Variants in TFDP2 observed in about 807,000 individuals in gnomAD.
TFDP2 encodes the protein transcription factor Dp-2 (E2F dimerization partner 2).
Under a neutral mutation model 59.3 loss-of-function variants are expected in TFDP2, and 17 were observed. The observed-to-expected ratio is 0.29, with a 90% CI of 0.20 to 0.43. The LOEUF is 0.43. TFDP2 is among the 20% of genes least tolerant of loss of function. The pLI, the probability that TFDP2 is intolerant of heterozygous loss-of-function variation, is 1.00. For synonymous variants in TFDP2, 180 were observed against 194.7 expected, an observed-to-expected ratio of 0.92 and a Z score of 0.63; for missense variants, 391 against 528.8, an observed-to-expected ratio of 0.74 and a Z score of 2.56.
At chr3:142,040,321 A>G (rs1272540950) in intron 3 of TFDP2, among the ~76,000 whole-genome samples, 1 of 152,246 alleles carries the variant, frequency 6.6e-6, no homozygotes, top group Non-Finnish European at 1.5e-5. Flanking sequence ...TGGTAGGCGC[A>G]GTGGCTTCTG....
At chr3:142,057,742 T>C (rs1159712200) in intron 3 of TFDP2, among the ~76,000 whole-genome samples, 1 of 152,184 alleles carries the variant, frequency 6.6e-6, no homozygotes, top group East Asian at 1.9e-4. Context: ...TAATACAGAA[T>C]GAGTTGAGAG....
intron 3 of TFDP2, among the ~76,000 whole-genome samples, chr3:142,052,750 A>C (rs1947700684): frequency 6.6e-6 from 1 of 151,984 alleles, no homozygotes; most frequent in Non-Finnish European, 1.5e-5. Flanking sequence ...ACCCCTCCCA[A>C]GGGTAGTTCC....
intron 10 of TFDP2, among the ~76,000 whole-genome samples, chr3:141,962,222 G>A (rs1937453855): frequency 6.6e-6 from 1 of 152,026 alleles, no homozygotes; most frequent in Non-Finnish European, 1.5e-5. Flanking sequence ...GGGATTACAG[G>A]CATGAGCCAA....
intron 3 of TFDP2, among the ~76,000 whole-genome samples, chr3:142,013,768 CAT>C (rs149371697): frequency 0.07 from 10,562 of 150,782 alleles, 461 homozygotes; most frequent in Non-Finnish European, 0.11. Context: ...CTAGACACCA[CAT>C]ATTTTTTTTT....
chr3:142,113,255 T>C (rs1284669859), intron 1 of TFDP2, among the ~76,000 whole-genome samples: 1 of 152,070 alleles, frequency 6.6e-6, no homozygotes, highest in Non-Finnish European at 1.5e-5. Context: ...CATTTATTTT[T>C]TATTTATTTA....
chr3:142,039,546 T>G (rs1350382700), intron 3 of TFDP2, among the ~76,000 whole-genome samples: 1 of 152,108 alleles, frequency 6.6e-6, no homozygotes, highest in Admixed American at 6.5e-5. Context: ...GAAGCAAACA[T>G]CTTGTTTCTG....
At chr3:141,996,596 C>T (rs1213083289) in intron 4 of TFDP2, among the ~76,000 whole-genome samples, 1 of 152,334 alleles carries the variant, frequency 6.6e-6, no homozygotes, top group East Asian at 1.9e-4. Context: ...AAGTTCATTG[C>T]TAACTTGCTC....
Position 141,962,267 on chromosome 3 carries a change from T to A in TFDP2, c.884+1545A>T, listed in dbSNP as rs1266499146. Among the ~76,000 whole-genome samples, 8 of 151,882 alleles carry A rather than the reference T, an allele frequency of 5.3e-5. No individual in the cohort carries two copies. The East Asian group carries it at 9.7e-4, about 18-fold the overall frequency. On this transcript the variant is annotated intron_variant, in intron 10 of 12. Transcript: ENST00000489671. The stretch of plus-strand genomic sequence containing the variant: ...CCAAGAATCCACTCTTAAAAAAAAA[T>A]TTATTGGTTCTGGTTTACTTCATAA...
intron 3 of TFDP2, among the ~76,000 whole-genome samples, chr3:142,014,699 A>G (rs1170926063): frequency 6.6e-6 from 1 of 152,098 alleles, no homozygotes; most frequent in Non-Finnish European, 1.5e-5. Flanking sequence ...TGTCTAAAAA[A>G]CATCCCTTCA....
At chr3:141,979,520 G>A (rs1941206046) in intron 6 of TFDP2, among the ~76,000 whole-genome samples, 1 of 152,090 alleles carries the variant, frequency 6.6e-6, no homozygotes, top group African/African-American at 2.4e-5. Flanking sequence ...CTTCCAGTAG[G>A]ACAAAATGTG....
intron 6 of TFDP2, among the ~76,000 whole-genome samples, chr3:141,987,645 C>A (rs1357799847): frequency 6.7e-6 from 1 of 149,254 alleles, no homozygotes; most frequent in Non-Finnish European, 1.5e-5. Context: ...ACATTCTTCT[C>A]GGCCGGGTGC....
At chr3:142,069,548 A>G (rs1212745371) in intron 3 of TFDP2, among the ~76,000 whole-genome samples, 1 of 152,170 alleles carries the variant, frequency 6.6e-6, no homozygotes, top group Non-Finnish European at 1.5e-5. Context: ...CACCAGTAGT[A>G]TAGGAAAGCA....
At chr3:141,983,266 T>C (rs1941681743) in intron 6 of TFDP2, among the ~76,000 whole-genome samples, 1 of 152,160 alleles carries the variant, frequency 6.6e-6, no homozygotes, top group African/African-American at 2.4e-5. Context: ...AAGCAAAAAA[T>C]GTCTCTAGTT....
intron 1 of TFDP2, among the ~76,000 whole-genome samples, chr3:142,136,765 T>A (rs1189012306): frequency 6.6e-6 from 1 of 152,056 alleles, no homozygotes; most frequent in Non-Finnish European, 1.5e-5. Context: ...ATCTCTGTTT[T>A]GGTACCAGTA....
At chr3:142,036,196 G>C (rs893868797) in intron 3 of TFDP2, among the ~76,000 whole-genome samples, 8 of 152,098 alleles carry the variant, frequency 5.3e-5, no homozygotes, top group Non-Finnish European at 1.2e-4. Flanking sequence ...ATAATACAAG[G>C]TCCTTAATGG....
intron 3 of TFDP2, among the ~76,000 whole-genome samples, chr3:142,027,332 T>C (rs1414786508): frequency 6.6e-6 from 1 of 152,150 alleles, no homozygotes; most frequent in Non-Finnish European, 1.5e-5. Context: ...TATTCACTGA[T>C]TAAATCAGAT....
At chr3:142,066,815 T>C (rs1049513315) in intron 3 of TFDP2, among the ~76,000 whole-genome samples, 1 of 152,182 alleles carries the variant, frequency 6.6e-6, no homozygotes, top group Non-Finnish European at 1.5e-5. Flanking sequence ...ACTTCTCTCA[T>C]AACTGAGGTT....
At chr3:142,128,341 T>C (rs1412920437) in intron 1 of TFDP2, among the ~76,000 whole-genome samples, 1 of 152,216 alleles carries the variant, frequency 6.6e-6, no homozygotes, top group Non-Finnish European at 1.5e-5. Flanking sequence ...AAGATTTACA[T>C]GCTGTACAGT....
At chr3:141,958,311 A>C (rs1295317884) in intron 11 of TFDP2, among the ~76,000 whole-genome samples, 1 of 152,230 alleles carries the variant, frequency 6.6e-6, no homozygotes, top group Non-Finnish European at 1.5e-5. Context: ...AGGAGTAAGA[A>C]TGTATGAATT....
Sources: allele counts gnomAD v4.1 joint callset (sites outside exome capture counted in the v4.1 genomes callset), GRCh38; gene constraint gnomAD v4.1.1; transcripts MANE v1.5; gene names NCBI Gene and HGNC (gene_info 2026-07-23, HGNC 2026-07-21).